ZNF708: variants seen among roughly 807,000 people sequenced by gnomAD.
ZNF708 encodes the protein ZNF15, ZNF15L1.
In ZNF708, 44 loss-of-function variants were observed where a neutral mutation model predicts 47.0. That is an observed-to-expected ratio of 0.94 (90% CI 0.74 to 1.20). ZNF708 has a LOEUF of 1.20. Ranked by LOEUF, ZNF708 falls within the 50% of genes most tolerant of loss-of-function variation. The probability of loss-of-function intolerance (pLI) is 0.00; values close to 1 mark genes in which losing one functional copy is unlikely to be tolerated. For missense variants in ZNF708, 557 were observed against 656.0 expected, an observed-to-expected ratio of 0.85 and a Z score of 1.65; for synonymous variants, 184 against 218.5, an observed-to-expected ratio of 0.84 and a Z score of 1.39.
At chr19:21,329,171 G>C in intron 1 of ZNF708, 39 bp downstream of exon 1, 5 of 1,611,252 alleles carry the variant, frequency 3.1e-6, no homozygotes, top group Non-Finnish European at 4.2e-6. Flanking sequence ...GTTTCAACCA[G>C]CCCTTCCCCT....
At chr19:21,296,359 G>A (rs556731332) in intron 3 of ZNF708, among the ~76,000 whole-genome samples, 12 of 152,086 alleles carry the variant, frequency 7.9e-5, no homozygotes, top group Admixed American at 3.3e-4. Context: ...AAAATTAGCC[G>A]GGCGTGGTCA....
At chr19:21,305,122 T>C (rs1271955499) in intron 3 of ZNF708, among the ~76,000 whole-genome samples, 1 of 151,846 alleles carries the variant, frequency 6.6e-6, no homozygotes, top group East Asian at 1.9e-4. Flanking sequence ...GCAATTCTCC[T>C]GTCTCAGCCT....
At chr19:21,301,222 A>T (rs939830841) in intron 3 of ZNF708, among the ~76,000 whole-genome samples, 5 of 152,140 alleles carry the variant, frequency 3.3e-5, no homozygotes, top group African/African-American at 1.2e-4. Context: ...CACCCCTGTA[A>T]TCCCAGCACT....
chr19:21,308,710 G>A (rs78464326), intron 3 of ZNF708, among the ~76,000 whole-genome samples: 4,285 of 152,078 alleles, frequency 0.028, 197 homozygotes, highest in African/African-American at 0.097. Context: ...TGCCCCCCCA[G>A]CCAAAACTAC....
At chr19:21,302,515 T>C (rs1482770757) in intron 3 of ZNF708, among the ~76,000 whole-genome samples, 1 of 151,850 alleles carries the variant, frequency 6.6e-6, no homozygotes, top group African/African-American at 2.4e-5. Context: ...CTGCCCAACA[T>C]GGCAAAAACC....
At chr19:21,299,498 C>G (rs1386593309) in intron 3 of ZNF708, among the ~76,000 whole-genome samples, 3 of 151,946 alleles carry the variant, frequency 2.0e-5, no homozygotes, top group Non-Finnish European at 4.4e-5. Flanking sequence ...TGCCTGTAAT[C>G]CCAGCACTTG....
chr19:21,296,117 CA>C (rs1181284602), intron 3 of ZNF708, among the ~76,000 whole-genome samples: 1 of 150,456 alleles, frequency 6.6e-6, no homozygotes, highest in African/African-American at 2.4e-5. Flanking sequence ...AGTAACTTTT[CA>C]AAAAAAACTG....
chr19:21,327,985 T>C lies in ZNF708; in HGVS notation c.3+1225A>G, dbSNP rs1464597004. The C allele has an allele frequency of 4.0e-6, 4 of 1,011,710 alleles. No individual in the cohort carries two copies. In the African/African-American group the frequency reaches 6.9e-5, roughly 17 times the overall value. The allele number at this position is 1,011,710 out of a possible 1,614,324, so 62.7% of individuals were successfully genotyped here. ...CTCAGGTTGTCCTCAGGGAGAAAAA[T>C]GACCCAGGAGCTGATATTCACTAGA... On this transcript the variant is annotated intron_variant, in intron 1 of 3. Coordinates refer to ENST00000356929, the MANE Select transcript of ZNF708 (RefSeq NM_021269.3).
chr19:21,325,645 C>G (rs1209515269), intron 1 of ZNF708, among the ~76,000 whole-genome samples: 1 of 152,146 alleles, frequency 6.6e-6, no homozygotes, highest in African/African-American at 2.4e-5. Context: ...CCCTTCTAGA[C>G]ATTAGATTAG....
chr19:21,317,660 C>T (rs1973043170), intron 1 of ZNF708, among the ~76,000 whole-genome samples: 1 of 152,178 alleles, frequency 6.6e-6, no homozygotes, highest in Non-Finnish European at 1.5e-5. Context: ...ATGTGACATG[C>T]ATCACAATCA....
At chr19:21,329,112 GGA>G (rs1186191838) in intron 1 of ZNF708, 96 bp downstream of exon 1, 4 of 1,536,324 alleles carry the variant, frequency 2.6e-6, no homozygotes, top group Non-Finnish European at 3.6e-6. Flanking sequence ...CGCAGATTGT[GGA>G]GATGACTGCG....
In ZNF708 at chr19:21,310,622, T is replaced by C. The variant is rs1002153181; in HGVS notation, c.9A>G (p.Pro3=). MG[P]LTFMDVAIEF... ...CTATGGCCACATCCATAAATGTCAA[T>C]GGTCCCTGAAAAACACATACACACA... The change falls in exon 2 of 4, where the codon CCA becomes CCG. Residue 3 remains proline, a synonymous_variant. Coordinates refer to ENST00000356929, the MANE Select transcript of ZNF708 (RefSeq NM_021269.3). The C allele has an allele frequency of 1.3e-6, 2 of 1,534,178 alleles. No individual in the cohort carries two copies. The highest frequency in any genetic ancestry group is 1.8e-6 in the Non-Finnish European group (2 of 1,140,018).
chr19:21,297,465 A>C (rs867407949), intron 3 of ZNF708, among the ~76,000 whole-genome samples: 124 of 150,692 alleles, frequency 8.2e-4, no homozygotes, highest in African/African-American at 2.7e-3. Flanking sequence ...CCACAAAGAA[A>C]ATATCTGTAT....
chr19:21,309,378 A>T, intron 2 of ZNF708, 37 bp from the exon 3 acceptor site: 1 of 1,508,660 alleles, frequency 6.6e-7, no homozygotes, highest in Non-Finnish European at 8.9e-7. Context: ...AATCTTGCTC[A>T]TATTCTCCAA....
rs1568344003 is a variant in ZNF708, at chr19:21,294,468, AT to A, written c.497del (p.Asn166IlefsTer18). 1 of 1,613,722 alleles carries A rather than the reference AT, an allele frequency of 6.2e-7. No individual in the cohort carries two copies. Among genetic ancestry groups the A allele is most frequent in the Admixed American group, 1.7e-5 (1 of 59,954 alleles). Reference sequence around the variant, plus strand: ...TGCCACATTCTTTACATTTGAAAGGATTTTTTCCAGTATGTCTTATCTTATG... The same window carrying A: ...TGCCACATTCTTTACATTTGAAAGGATTTTTCCAGTATGTCTTATCTTATG... ...KRHKIRHTGK[N>X]PFKCKECGKS... On this transcript the variant is annotated frameshift_variant, in exon 4 of 4. Transcript: ENST00000356929. LOFTEE classifies it high-confidence loss of function.
Position 21,293,972 on chromosome 19 carries a change from C to T in ZNF708, c.994G>A (p.Gly332Ser). The T allele has an allele frequency of 1.2e-6, 2 of 1,612,736 alleles. No homozygotes were observed. Among genetic ancestry groups the T allele is most frequent in the Non-Finnish European group, 1.7e-6 (2 of 1,179,410 alleles). The change falls in exon 4 of 4, where the codon GGT becomes AGT. Residue 332 changes from glycine (G) to serine (S), a missense_variant. By Grantham distance (56) the Gly-to-Ser change is moderately conservative (BLOSUM62 0). Coordinates refer to ENST00000356929, the MANE Select transcript of ZNF708 (RefSeq NM_021269.3). ...TCTTCACATTTGTAGGGTTTCTCACCAGTATGAATCCTCTTATGTGTAGTA... is the reference window on the plus strand; with the variant it reads ...TCTTCACATTTGTAGGGTTTCTCACTAGTATGAATCCTCTTATGTGTAGTA... ...HLTTHKRIHT[G>S]EKPYKCEECG...
chr19:21,297,260 ATATATATATATTTTTTTT>A (rs1254541527), intron 3 of ZNF708, among the ~76,000 whole-genome samples: 2 of 15,230 alleles, frequency 1.3e-4, no homozygotes, highest in Admixed American at 6.1e-4. Context: ...ATATATATAT[ATATATATATATTTTTTTT>A]TTTTTTTTTT....
intron 1 of ZNF708, among the ~76,000 whole-genome samples, chr19:21,311,663 A>T (rs1018685406): frequency 5.9e-5 from 9 of 152,274 alleles, no homozygotes; most frequent in Non-Finnish European, 1.2e-4. Context: ...TGATACCACC[A>T]CATCCACAAG....
At chr19:21,303,321 G>C (rs1416794095) in intron 3 of ZNF708, among the ~76,000 whole-genome samples, 1 of 152,218 alleles carries the variant, frequency 6.6e-6, no homozygotes, top group Non-Finnish European at 1.5e-5. Flanking sequence ...GGGAGGCCAA[G>C]GTGGGTGGAT....
Sources: allele counts gnomAD v4.1 joint callset (sites outside exome capture counted in the v4.1 genomes callset), GRCh38; gene constraint gnomAD v4.1.1; transcripts MANE v1.5; gene names NCBI Gene and HGNC (gene_info 2026-07-23, HGNC 2026-07-21).